Variants in NADSYN1 observed in about 807,000 individuals in gnomAD.
The protein encoded by NADSYN1 is NAD synthetase 1.
NADSYN1 carries 80 observed loss-of-function variants against 99.3 expected under a neutral mutation model. That is an observed-to-expected ratio of 0.81 (90% confidence interval 0.67 to 0.97). The LOEUF (loss-of-function observed/expected upper bound fraction) is 0.97. Among genes scored for constraint, NADSYN1 ranks in the 50% least tolerant of loss-of-function variants. The pLI, the probability that NADSYN1 is intolerant of heterozygous loss-of-function variation, is 0.00. For synonymous variants in NADSYN1, 385 were observed against 372.1 expected (o/e 1.03, Z -0.40); for missense variants, 859 against 948.5 (o/e 0.91, Z 1.24).
intron 5 of NADSYN1, 41 bp downstream of exon 5, chr11:71,464,183 C>G: frequency 1.3e-6 from 2 of 1,492,464 alleles, no homozygotes; most frequent in Non-Finnish European, 1.8e-6. Flanking sequence ...GTGCGTTAAG[C>G]ACCTCCGCTG....
Position 71,480,872 on chromosome 11 carries a change from G to A in NADSYN1, c.991G>A (p.Glu331Lys). Residue 331 changes from glutamate to lysine, a missense_variant, in exon 11 of 21, where the codon GAG (glutamate) becomes AAG (lysine). Transcript: ENST00000319023. ...IEWKYHSPEE[E>K]ISLGPACWLW... is the part of the protein sequence containing the mutation. ...GTGGAAATACCACAGCCCTGAGGAG[G>A]AGATAAGGTGTGTGGCCCCTGACCC... 2 of 1,614,116 alleles carry A rather than the reference G, an allele frequency of 1.2e-6. No homozygotes were observed. Among genetic ancestry groups the A allele is most frequent in the Non-Finnish European group, 1.7e-6 (2 of 1,179,992 alleles).
In NADSYN1 at chr11:71,492,001, G is replaced by A. The variant is rs983357264; in HGVS notation, c.1764+98G>A. On this transcript the variant is annotated intron_variant, in intron 18 of 20. Coordinates refer to ENST00000319023, the MANE Select transcript of NADSYN1 (RefSeq NM_018161.5). ...CTACCTCCCTCCTGACCCCAGGACA[G>A]CTGCATCGCTGTCACTGGGTCCCTG... The A allele has an allele frequency of 4.9e-6, 5 of 1,015,502 alleles. No homozygotes were observed. The Admixed American group carries it at 1.2e-4, about 25-fold the overall frequency. The allele number at this position is 1,015,502 out of a possible 1,614,324, so 62.9% of individuals were successfully genotyped here. A position where few individuals can be genotyped will look rare whatever the true frequency, so the allele number is the denominator to read the frequency against.
chr11:71,489,047 G>A, intron 16 of NADSYN1, among the ~76,000 whole-genome samples: 1 of 151,698 alleles, frequency 6.6e-6, no homozygotes, highest in African/African-American at 2.4e-5. Context: ...CCAGGAGAAG[G>A]TTCCAGAGAG....
chr11:71,494,538 C>CTTTTGTTTTG (rs55943683), intron 18 of NADSYN1, among the ~76,000 whole-genome samples: 8 of 144,678 alleles, frequency 5.5e-5, no homozygotes, highest in East Asian at 2.0e-4. Flanking sequence ...CCAAAAATTT[C>CTTTTGTTTTG]TTTTGTTTTG....
At chr11:71,479,705 T>C (rs1464913749) in intron 10 of NADSYN1, 1 of 152,202 alleles carries the variant, frequency 6.6e-6, no homozygotes, top group Non-Finnish European at 1.5e-5. Flanking sequence ...ATGTGTTGGG[T>C]GCAGCCACCC....
At chr11:71,497,407 A>T in intron 18 of NADSYN1, 76 bp from the exon 19 acceptor site, 2 of 1,595,714 alleles carry the variant, frequency 1.3e-6, no homozygotes, top group Non-Finnish European at 1.7e-6. Context: ...TCTGGTTCCC[A>T]TCTCCAAAAG....
At chr11:71,470,678 G>A (rs925079899) in intron 5 of NADSYN1, among the ~76,000 whole-genome samples, 1 of 152,152 alleles carries the variant, frequency 6.6e-6, no homozygotes, top group Non-Finnish European at 1.5e-5. Context: ...AATGGCTTGG[G>A]GATTCTCCTT....
intron 6 of NADSYN1, among the ~76,000 whole-genome samples, chr11:71,473,012 C>T (rs1949637744): frequency 6.6e-6 from 1 of 152,220 alleles, no homozygotes; most frequent in African/African-American, 2.4e-5. Context: ...AATTGGCAGC[C>T]CCATCGATGT....
At chr11:71,477,314 TTCAC>T (rs1949675396) in intron 9 of NADSYN1, 1 of 1,277,114 alleles carries the variant, frequency 7.8e-7, no homozygotes, top group African/African-American at 1.6e-5. Context: ...GTTTTATGGC[TTCAC>T]ACGGACCGTG....
At chr11:71,459,936 T>C (rs1176761778) in intron 3 of NADSYN1, 1 of 152,416 alleles carries the variant, frequency 6.6e-6, no homozygotes, top group Non-Finnish European at 1.5e-5. Context: ...ACCAGTCTTT[T>C]ATCTAATGGT....
intron 3 of NADSYN1, among the ~76,000 whole-genome samples, chr11:71,462,171 G>C (rs987661980): frequency 2.5e-4 from 38 of 152,178 alleles, no homozygotes; most frequent in African/African-American, 8.9e-4. Context: ...TCGGGGGTCG[G>C]ACAGGCCTCA....
intron 8 of NADSYN1, 78 bp from the exon 9 acceptor site, chr11:71,474,317 G>A (rs1469413552): frequency 1.3e-6 from 2 of 1,590,594 alleles, no homozygotes; most frequent in East Asian, 2.2e-5. Context: ...CTCGGCGGAG[G>A]TTCCTGTACT....
At chr11:71,454,623 C>G (rs1272142820) in intron 1 of NADSYN1, among the ~76,000 whole-genome samples, 2 of 152,194 alleles carry the variant, frequency 1.3e-5, no homozygotes, top group Non-Finnish European at 2.9e-5. Flanking sequence ...CTCTGCCAGC[C>G]TCTCCTCCCT....
chr11:71,473,652 C>A lies in NADSYN1; in HGVS notation c.632C>A (p.Thr211Asn), dbSNP rs761124908. The change falls in exon 8 of 21, where the codon ACC becomes AAC. Residue 211 changes from threonine (T) to asparagine (N), a missense_variant. Coordinates refer to ENST00000319023, the MANE Select transcript of NADSYN1 (RefSeq NM_018161.5). ...CACCAAGTGCTGCGCAAAGCCAACA[C>A]CAGGGTGGATCTCGTGACTATGGTC... is the stretch of plus-strand genomic sequence containing the variant. ...GSHQVLRKAN[T>N]RVDLVTMVTS... 1 of 1,612,948 alleles carries A rather than the reference C, an allele frequency of 6.2e-7. No homozygotes were observed. Among genetic ancestry groups the A allele is most frequent in the Non-Finnish European group, 8.5e-7 (1 of 1,179,736 alleles).
At chr11:71,460,438 C>T (rs538741841) in intron 3 of NADSYN1, among the ~76,000 whole-genome samples, 3 of 152,242 alleles carry the variant, frequency 2.0e-5, no homozygotes, top group African/African-American at 7.2e-5. Flanking sequence ...GCAGCCTCGA[C>T]CTCCTGGGCT....
intron 16 of NADSYN1, among the ~76,000 whole-genome samples, chr11:71,486,757 C>CATCCATCT (rs1447248652): frequency 6.6e-6 from 1 of 150,872 alleles, no homozygotes; most frequent in Non-Finnish European, 1.5e-5. Context: ...TCCTCCCTTC[C>CATCCATCT]ATCCATCTAT....
At chr11:71,453,460 GCT>G in intron 1 of NADSYN1, 79 bp downstream of exon 1, 1 of 1,327,636 alleles carries the variant, frequency 7.5e-7, no homozygotes, top group South Asian at 1.2e-5. Context: ...CCCGTGGCGT[GCT>G]CACAGCCTTG....
rs199510459 is a variant in NADSYN1 at position 71,474,447 on chromosome 11, T to C, written c.719T>C (p.Leu240Pro). The C allele has an allele frequency of 6.2e-7, 1 of 1,614,210 alleles. No homozygotes were observed. The change falls in exon 9 of 21, where the codon CTG becomes CCG. Residue 240 changes from leucine to proline, a missense_variant. Leu to Pro is a moderately conservative substitution (Grantham distance 98). Coordinates refer to ENST00000319023, the MANE Select transcript of NADSYN1 (RefSeq NM_018161.5). ...ANQKGCDGDR[L>P]YYDGCAMIAM... ...CAGAAGGGTTGTGACGGGGACCGCC[T>C]GTACTACGACGGCTGTGCCATGATT...
intron 2 of NADSYN1, among the ~76,000 whole-genome samples, 184 bp from the exon 3 acceptor site, chr11:71,458,243 GT>G (rs1202798338): frequency 6.6e-6 from 1 of 152,204 alleles, no homozygotes; most frequent in Non-Finnish European, 1.5e-5. Context: ...TTCGCTTTCA[GT>G]ACGGCACATC....
Sources: gnomAD v4.1 joint callset for allele counts (sites outside exome capture counted in the v4.1 genomes callset) on GRCh38, gnomAD v4.1.1 for gene constraint, MANE v1.5 for transcripts, NCBI Gene and HGNC (gene_info 2026-07-23, HGNC 2026-07-21) for gene names.